The following HSPB8 variants were observed in gnomAD, a reference collection of about 807,000 sequenced individuals.
HSPB8 encodes heat shock protein family B (small) member 8, also known as heat shock protein beta-8.
A neutral mutation model predicts 16.5 loss-of-function variants in HSPB8; 9 were observed. The observed-to-expected ratio is 0.55, with a 90% CI of 0.33 to 0.95. HSPB8 has a LOEUF of 0.95. HSPB8 is among the 40% of genes least tolerant of loss of function. The probability of loss-of-function intolerance (pLI) is 0.03; values close to 1 mark genes in which losing one functional copy is unlikely to be tolerated. For synonymous variants in HSPB8, 99 were observed against 94.8 expected (o/e 1.04, Z -0.26); for missense variants, 238 against 251.2 (o/e 0.95, Z 0.35).
chr12:119,187,050 A>G lies in HSPB8; in HGVS notation c.393A>G (p.Glu131=), dbSNP rs1204052364. ...GCAAACATGAAGAGAAACAGCAAGA[A>G]GGTGGCATTGTTTCTAAGAACTTCA... ...VSGKHEEKQQ[E]GGIVSKNFTK... Residue 131 remains glutamate (E), a synonymous_variant, in exon 2 of 3, where the codon GAA becomes GAG. Coordinates refer to ENST00000281938, the MANE Select transcript of HSPB8 (RefSeq NM_014365.3). 1 of 1,614,134 alleles carries G rather than the reference A, an allele frequency of 6.2e-7. No individual in the cohort carries two copies. The highest frequency in any genetic ancestry group is 1.1e-5 in the South Asian group (1 of 91,084).
In HSPB8 at chr12:119,193,503, A is replaced by G. The variant is rs147139585; in HGVS notation, c.432-196A>G. Reference sequence around the variant, plus strand: ...TATTATTATCCTCATTTTGCAGATGAGAAAACAAGCTCAGAGCAACTGAAT... The same window carrying G: ...TATTATTATCCTCATTTTGCAGATGGGAAAACAAGCTCAGAGCAACTGAAT... On this transcript the variant is annotated intron_variant, in intron 2 of 2. Transcript: ENST00000281938. Among the ~76,000 whole-genome samples the G allele has an allele frequency of 9.8e-3, 1,500 of 152,344 alleles. 32 individuals carry two copies. The highest frequency in any genetic ancestry group is 0.035 in the African/African-American group (1,438 of 41,572).
chr12:119,185,480 C>T (rs1592930068), intron 1 of HSPB8, among the ~76,000 whole-genome samples: 1 of 152,108 alleles, frequency 6.6e-6, no homozygotes, highest in East Asian at 1.9e-4. Flanking sequence ...ACTATAGGCA[C>T]GTGCCACCAT....
chr12:119,183,939 C>T (rs2136082320), intron 1 of HSPB8, among the ~76,000 whole-genome samples: 1 of 152,338 alleles, frequency 6.6e-6, no homozygotes, highest in East Asian at 1.9e-4. Flanking sequence ...TCACATGGTA[C>T]TTTTACAACT....
At chr12:119,183,184 A>C (rs1342795308) in intron 1 of HSPB8, 1 of 152,288 alleles carries the variant, frequency 6.6e-6, no homozygotes, top group Non-Finnish European at 1.5e-5. Context: ...CCTTTAAGTC[A>C]CTAATGTAGT....
chr12:119,186,136 A>C (rs972564602), intron 1 of HSPB8, among the ~76,000 whole-genome samples: 2 of 152,262 alleles, frequency 1.3e-5, no homozygotes, highest in Admixed American at 6.5e-5. Flanking sequence ...ATACATTACA[A>C]GATCAAAACC....
chr12:119,186,001 G>A (rs1355478844), intron 1 of HSPB8, among the ~76,000 whole-genome samples: 1 of 152,130 alleles, frequency 6.6e-6, no homozygotes, highest in African/African-American at 2.4e-5. Context: ...AATGAGGAGT[G>A]AAAAGTAACA....
chr12:119,179,537 C>A lies in HSPB8; in HGVS notation c.225C>A (p.Ala75=), dbSNP rs2136079962. 1 of 1,613,788 alleles carries A rather than the reference C, an allele frequency of 6.2e-7. No individual in the cohort carries two copies. Among genetic ancestry groups the A allele is most frequent in the East Asian group, 2.2e-5 (1 of 44,864 alleles). ...RSGMVPRGPT[A]TARFGVPAEG... is the part of the protein sequence containing the mutation. ...GCATGGTGCCCCGGGGCCCCACTGC[C>A]ACCGCCAGGTTTGGGGTGCCTGCCG... Residue 75 remains alanine, a synonymous_variant, in exon 1 of 3, where the codon GCC becomes GCA. Transcript: ENST00000281938.
intron 1 of HSPB8, 48 bp from the exon 2 acceptor site, chr12:119,186,977 T>A (rs371165772): frequency 5.5e-5 from 87 of 1,580,688 alleles, no homozygotes; most frequent in Non-Finnish European, 7.2e-5. Context: ...TCCTGAAGGA[T>A]GCCCAAGGAA....
At position 119,179,693 on chromosome 12, in the gene HSPB8, AG is replaced by A; in HGVS notation, c.367+16del. The A allele has an allele frequency of 6.4e-7, 1 of 1,560,848 alleles. No homozygotes were observed. The highest frequency in any genetic ancestry group is 8.6e-7 in the Non-Finnish European group (1 of 1,157,570). On this transcript the variant is annotated intron_variant, in intron 1 of 2. Transcript: ENST00000281938. ...TGGAGGTGTCTGGTAAGTCAGGGGC[AG>A]GAGGGAGAGAGAATGGGGAGGCCGG...
intron 2 of HSPB8, among the ~76,000 whole-genome samples, chr12:119,187,430 C>T (rs941504875): frequency 4.6e-5 from 7 of 152,180 alleles, no homozygotes; most frequent in Admixed American, 4.6e-4. Context: ...TCCCAGCTCA[C>T]TGCAACCTCC....
intron 1 of HSPB8, among the ~76,000 whole-genome samples, chr12:119,185,338 T>A (rs888333076): frequency 4.0e-5 from 6 of 151,090 alleles, no homozygotes; most frequent in Non-Finnish European, 7.4e-5. Flanking sequence ...TAATAGTAAT[T>A]ATTATTATTA....
intron 2 of HSPB8, among the ~76,000 whole-genome samples, chr12:119,188,341 G>T (rs1954690414): frequency 6.6e-6 from 1 of 151,202 alleles, no homozygotes; most frequent in South Asian, 2.1e-4. Flanking sequence ...CTGCCTCCTG[G>T]GTTCAAGCAA....
At chr12:119,192,577 C>G (rs567038089) in intron 2 of HSPB8, among the ~76,000 whole-genome samples, 176 of 152,096 alleles carry the variant, frequency 1.2e-3, no homozygotes, top group Non-Finnish European at 1.7e-3. Context: ...ATTGCTTGAA[C>G]CTTGGGAGGC....
chr12:119,188,837 G>A (rs1259387012), intron 2 of HSPB8, among the ~76,000 whole-genome samples: 1 of 152,176 alleles, frequency 6.6e-6, no homozygotes, highest in Non-Finnish European at 1.5e-5. Context: ...TCATGGCCCA[G>A]CGTAGGTCCT....
At chr12:119,191,212 A>G (rs1012562469) in intron 2 of HSPB8, among the ~76,000 whole-genome samples, 1 of 152,172 alleles carries the variant, frequency 6.6e-6, no homozygotes, top group Non-Finnish European at 1.5e-5. Context: ...TCTGCAAAGA[A>G]ACAGGTTCAA....
chr12:119,192,958 C>T (rs1332739411), intron 2 of HSPB8, among the ~76,000 whole-genome samples: 1 of 151,922 alleles, frequency 6.6e-6, no homozygotes, highest in African/African-American at 2.4e-5. Context: ...GAGGAAACTG[C>T]CCCCTACCCA....
At chr12:119,186,976 A>T (rs748734914) in intron 1 of HSPB8, 49 bp from the exon 2 acceptor site, 17 of 1,576,946 alleles carry the variant, frequency 1.1e-5, no homozygotes, top group Middle Eastern at 1.7e-4. Context: ...GTCCTGAAGG[A>T]TGCCCAAGGA....
chr12:119,180,126 CTCCT>C (rs532961208), intron 1 of HSPB8, among the ~76,000 whole-genome samples: 5 of 152,340 alleles, frequency 3.3e-5, no homozygotes, highest in Middle Eastern at 3.4e-3. Flanking sequence ...TGAAACACCT[CTCCT>C]TGTCCCAGAC....
At chr12:119,187,864 T>C (rs535843281) in intron 2 of HSPB8, among the ~76,000 whole-genome samples, 2 of 152,230 alleles carry the variant, frequency 1.3e-5, no homozygotes, top group East Asian at 3.9e-4. Flanking sequence ...ATGAGCACCT[T>C]CTCTAGGGCA....
Sources: allele counts gnomAD v4.1 joint callset (sites outside exome capture counted in the v4.1 genomes callset), GRCh38; gene constraint gnomAD v4.1.1; transcripts MANE v1.5; gene names NCBI Gene and HGNC (gene_info 2026-07-23, HGNC 2026-07-21).